CDH18: variants seen among roughly 807,000 people sequenced by gnomAD.
CDH18 encodes the protein cadherin-18.
Under a neutral mutation model 67.9 loss-of-function variants are expected in CDH18, and 31 were observed. The observed-to-expected ratio is 0.46, with a 90% confidence interval of 0.34 to 0.62. The LOEUF is 0.62. Among genes scored for constraint, CDH18 ranks in the 20% least tolerant of loss-of-function variants. The pLI is 0.01. For synonymous variants in CDH18, 362 were observed against 347.2 expected (o/e 1.04, Z -0.48); for missense variants, 890 against 975.5 (o/e 0.91, Z 1.17).
intron 3 of CDH18, among the ~76,000 whole-genome samples, chr5:19,748,137 T>TA (rs1424189858): frequency 8.2e-5 from 2 of 24,404 alleles, no homozygotes; most frequent in Non-Finnish European, 2.8e-4. Flanking sequence ...AAAAAAAGAG[T>TA]ACTTTTTTAG....
At chr5:20,422,447 T>C (rs1440174405) in intron 1 of CDH18, among the ~76,000 whole-genome samples, 1 of 151,000 alleles carries the variant, frequency 6.6e-6, no homozygotes, top group South Asian at 2.1e-4. Flanking sequence ...TAGCCAGGTG[T>C]AGTTCTATAC....
At chr5:19,526,431 TTTTATAAC>T (rs1747764087) in intron 9 of CDH18, among the ~76,000 whole-genome samples, 1 of 152,134 alleles carries the variant, frequency 6.6e-6, no homozygotes, top group Admixed American at 6.6e-5. Context: ...GTAGAAGATC[TTTTATAAC>T]TTGAGAAACA....
intron 1 of CDH18, among the ~76,000 whole-genome samples, chr5:20,490,742 A>G (rs1344671048): frequency 6.6e-6 from 1 of 152,078 alleles, no homozygotes; most frequent in Admixed American, 6.6e-5. Flanking sequence ...AAATTATTTT[A>G]TTCTTTATGA....
At chr5:20,219,921 G>C (rs906650976) in intron 2 of CDH18, among the ~76,000 whole-genome samples, 1 of 151,856 alleles carries the variant, frequency 6.6e-6, no homozygotes, top group Non-Finnish European at 1.5e-5. Flanking sequence ...CTTAACCAAA[G>C]AAGGGAAGAT....
At chr5:19,898,904 T>A (rs972749139) in intron 2 of CDH18, among the ~76,000 whole-genome samples, 2 of 152,258 alleles carry the variant, frequency 1.3e-5, no homozygotes, top group Non-Finnish European at 2.9e-5. Context: ...GAAAATCATA[T>A]ATCTGTTAAG....
At chr5:20,066,807 T>A (rs538530195) in intron 2 of CDH18, among the ~76,000 whole-genome samples, 208 of 151,918 alleles carry the variant, frequency 1.4e-3, no homozygotes, top group Non-Finnish European at 1.4e-3. Context: ...ATATTAATAG[T>A]CAAATATGGA....
In CDH18 at chr5:19,841,515, A is replaced by G. The variant is rs186911397; in HGVS notation, c.-256-2273T>C. On this transcript the variant is annotated intron_variant, in intron 2 of 12. Coordinates refer to ENST00000382275, the MANE Select transcript of CDH18 (RefSeq NM_004934.5). Reference sequence around the variant, plus strand: ...CATTTGTAATAAATTATTTTAATAAATTTATATTAAACTTTTTATTTCCCA... The same window carrying G: ...CATTTGTAATAAATTATTTTAATAAGTTTATATTAAACTTTTTATTTCCCA... Among the ~76,000 whole-genome samples the G allele has an allele frequency of 3.5e-4, 53 of 151,470 alleles. No individual in the cohort carries two copies. In the East Asian group the frequency reaches 7.7e-3, roughly 22 times the overall value.
intron 11 of CDH18, among the ~76,000 whole-genome samples, chr5:19,495,086 G>C (rs1358918057): frequency 6.6e-6 from 1 of 152,136 alleles, no homozygotes; most frequent in Non-Finnish European, 1.5e-5. Flanking sequence ...AAGTAATAGA[G>C]GCAACAAGTG....
intron 8 of CDH18, among the ~76,000 whole-genome samples, chr5:19,548,687 C>T (rs143600194): frequency 1.9e-4 from 28 of 151,162 alleles, no homozygotes; most frequent in African/African-American, 6.8e-4. Flanking sequence ...AGAATTTGTC[C>T]AACATTAAGG....
intron 2 of CDH18, among the ~76,000 whole-genome samples, chr5:20,250,960 C>T (rs927040799): frequency 1.3e-5 from 2 of 152,014 alleles, no homozygotes; most frequent in Admixed American, 6.6e-5. Context: ...TCAAATTCTT[C>T]CCCTTTACAT....
chr5:19,940,450 T>G (rs1794699700), intron 2 of CDH18, among the ~76,000 whole-genome samples: 1 of 151,980 alleles, frequency 6.6e-6, no homozygotes, highest in Non-Finnish European at 1.5e-5. Flanking sequence ...GCCAGACTGC[T>G]ATTTCAAAAA....
At chr5:19,815,388 A>G (rs1779179159) in intron 3 of CDH18, among the ~76,000 whole-genome samples, 1 of 151,964 alleles carries the variant, frequency 6.6e-6, no homozygotes. Flanking sequence ...ATTGGATGAC[A>G]ATTGAGACCT....
At chr5:19,490,367 T>C (rs1327356797) in intron 11 of CDH18, among the ~76,000 whole-genome samples, 1 of 148,432 alleles carries the variant, frequency 6.7e-6, no homozygotes, top group Non-Finnish European at 1.5e-5. Flanking sequence ...TTTTTTTATA[T>C]ATGATATATC....
intron 1 of CDH18, among the ~76,000 whole-genome samples, chr5:20,491,553 G>T (rs1342538009): frequency 6.6e-6 from 1 of 152,120 alleles, no homozygotes; most frequent in Non-Finnish European, 1.5e-5. Flanking sequence ...CAAAGTTATT[G>T]TCTAGGTCTG....
chr5:19,519,840 T>G (rs778294842), intron 10 of CDH18, among the ~76,000 whole-genome samples: 1 of 152,046 alleles, frequency 6.6e-6, no homozygotes, highest in Non-Finnish European at 1.5e-5. Context: ...AAACTGAATG[T>G]TCCCAACAGC....
chr5:19,825,001 G>A (rs994090776), intron 3 of CDH18, among the ~76,000 whole-genome samples: 1 of 152,174 alleles, frequency 6.6e-6, no homozygotes, highest in Non-Finnish European at 1.5e-5. Context: ...TTTTGACCTA[G>A]TGGTTTTACT....
chr5:19,861,527 T>C (rs1784909645), intron 2 of CDH18, among the ~76,000 whole-genome samples: 1 of 152,116 alleles, frequency 6.6e-6, no homozygotes, highest in African/African-American at 2.4e-5. Context: ...TGCTTTTCCT[T>C]AGGAAGTCTT....
In CDH18 at chr5:19,473,743, G is replaced by A. The variant is rs144596626; in HGVS notation, c.1883-27C>T. The A allele has an allele frequency of 8.2e-3, 12,592 of 1,530,536 alleles. 77 individuals carry two copies. Among genetic ancestry groups the A allele is most frequent in the Non-Finnish European group, 9.8e-3 (11,134 of 1,136,300 alleles). 94.8% of individuals were successfully genotyped at this position (1,530,536 alleles called of 1,614,324 possible). ...TGAGGAAGAATGGAAAAAGGATGAA[G>A]AATTAAGAAAACAGGAAGGAAATTC... On this transcript the variant is annotated intron_variant, in intron 12 of 12. Coordinates refer to ENST00000382275, the MANE Select transcript of CDH18 (RefSeq NM_004934.5).
intron 3 of CDH18, among the ~76,000 whole-genome samples, chr5:19,806,646 A>G: frequency 6.6e-6 from 1 of 152,334 alleles, no homozygotes; most frequent in East Asian, 1.9e-4. Context: ...CTGAATTCAT[A>G]ATGCATTATA....
Sources: gnomAD v4.1 joint callset for allele counts (sites outside exome capture counted in the v4.1 genomes callset) on GRCh38, gnomAD v4.1.1 for gene constraint, MANE v1.5 for transcripts, NCBI Gene and HGNC (gene_info 2026-07-23, HGNC 2026-07-21) for gene names.